Variants in AK4 observed in about 807,000 individuals in gnomAD.
The protein encoded by AK4 is adenylate kinase 4, mitochondrial.
AK4 carries 13 observed loss-of-function variants against 24.6 expected under a neutral mutation model. The ratio of observed to expected loss-of-function variants is 0.53; its 90% confidence interval spans 0.34 to 0.84. The LOEUF (loss-of-function observed/expected upper bound fraction) is 0.84, where lower values mean the gene tolerates loss of function less well. AK4 is among the 40% of genes least tolerant of loss of function. AK4 has a pLI of 0.01. For missense variants in AK4, 192 were observed against 288.2 expected, an observed-to-expected ratio of 0.67 and a Z score of 2.42; for synonymous variants, 88 against 107.0, an observed-to-expected ratio of 0.82 and a Z score of 1.10.
At chr1:65,158,668 A>G (rs6680612) in intron 1 of AK4, among the ~76,000 whole-genome samples, 18,945 of 149,808 alleles carry the variant, frequency 0.13, 1,621 homozygotes, top group Admixed American at 0.23. Flanking sequence ...GACCTGCTAA[A>G]TTTTTTTTTT....
chr1:65,170,577 T>TA (rs2101007563), intron 1 of AK4, among the ~76,000 whole-genome samples: 1 of 152,334 alleles, frequency 6.6e-6, no homozygotes, highest in African/African-American at 2.4e-5. Flanking sequence ...GCTTTTCCTT[T>TA]ATGGCTGAGA....
At chr1:65,170,911 G>C (rs1457760163) in intron 1 of AK4, among the ~76,000 whole-genome samples, 1 of 151,738 alleles carries the variant, frequency 6.6e-6, no homozygotes, top group Non-Finnish European at 1.5e-5. Context: ...TCCTTGTTAG[G>C]GTGTCATTCC....
intron 1 of AK4, among the ~76,000 whole-genome samples, chr1:65,175,681 T>A (rs1650689908): frequency 6.6e-6 from 1 of 152,162 alleles, no homozygotes; most frequent in African/African-American, 2.4e-5. Flanking sequence ...CCCCTGAGAT[T>A]TCCAATGTAA....
At chr1:65,195,948 C>T (rs1026972970) in intron 2 of AK4, among the ~76,000 whole-genome samples, 3 of 152,140 alleles carry the variant, frequency 2.0e-5, no homozygotes, top group Admixed American at 1.3e-4. Flanking sequence ...GGTTGAATAA[C>T]TGAAGTTCTT....
chr1:65,152,348 CTCTCTCTCTCTCTATATATA>C (rs1649806083), intron 1 of AK4, among the ~76,000 whole-genome samples: 2 of 44,326 alleles, frequency 4.5e-5, no homozygotes, highest in African/African-American at 2.1e-4. Flanking sequence ...CTCTCTCTCT[CTCTCTCTCTCTCTATATATA>C]TATATATATA....
intron 1 of AK4, among the ~76,000 whole-genome samples, chr1:65,187,758 C>T (rs1422349719): frequency 3.9e-5 from 6 of 152,174 alleles, no homozygotes; most frequent in Non-Finnish European, 7.3e-5. Context: ...TGAAGTAATA[C>T]GGTTTAAATA....
intron 1 of AK4, 39 bp downstream of exon 1, chr1:65,148,591 G>A (rs558569982): frequency 1.9e-6 from 3 of 1,560,276 alleles, no homozygotes; most frequent in African/African-American, 2.7e-5. Flanking sequence ...GGCGAGCCGC[G>A]TTGGGCTGGG....
At chr1:65,169,824 G>C (rs1650449583) in intron 1 of AK4, among the ~76,000 whole-genome samples, 1 of 151,878 alleles carries the variant, frequency 6.6e-6, no homozygotes, top group South Asian at 2.1e-4. Context: ...TGGATTTTTT[G>C]GGCATGTTTA....
intron 2 of AK4, among the ~76,000 whole-genome samples, chr1:65,195,738 T>A (rs1392856676): frequency 6.6e-6 from 1 of 152,212 alleles, no homozygotes; most frequent in East Asian, 1.9e-4. Flanking sequence ...TTGCCTTATA[T>A]AAGTGCTGTA....
At chr1:65,161,863 A>C (rs1004963357) in intron 1 of AK4, among the ~76,000 whole-genome samples, 11 of 152,182 alleles carry the variant, frequency 7.2e-5, no homozygotes, top group African/African-American at 2.7e-4. Context: ...GAAGAGTGGG[A>C]AGACTACTTG....
chr1:65,185,894 C>T (rs1259439221), intron 1 of AK4, among the ~76,000 whole-genome samples: 2 of 151,964 alleles, frequency 1.3e-5, no homozygotes, highest in African/African-American at 2.4e-5. Context: ...GGATTACAGG[C>T]GTGAGCTACT....
At chr1:65,204,048 G>A (rs1265607774) in intron 2 of AK4, among the ~76,000 whole-genome samples, 2 of 151,982 alleles carry the variant, frequency 1.3e-5, no homozygotes, top group African/African-American at 4.8e-5. Flanking sequence ...GCAACGGAAA[G>A]CAACAAATCA....
At chr1:65,202,601 AG>A (rs1651695130) in intron 2 of AK4, among the ~76,000 whole-genome samples, 1 of 152,172 alleles carries the variant, frequency 6.6e-6, no homozygotes, top group East Asian at 1.9e-4. Flanking sequence ...TCCTAAGTTT[AG>A]GTGTTAGGAG....
rs557036232 is a variant in AK4 at position 65,228,813 on chromosome 1, C to T, written c.*2636C>T. On this transcript the variant is annotated 3_prime_UTR_variant, in exon 5 of 5. Coordinates refer to ENST00000327299, the MANE Select transcript of AK4 (RefSeq NM_013410.4). ...GGTTTCTAAGATGCCAACCTGACCT[C>T]GCATTCTGTCATTCTACCCAGCTCT... 40 of 151,808 alleles carry T rather than the reference C, an allele frequency of 2.6e-4. No individual in the cohort carries two copies. Among genetic ancestry groups the T allele is most frequent in the Admixed American group, 2.3e-3 (35 of 15,236 alleles). 9.4% of individuals were successfully genotyped at this position (151,808 alleles called of 1,614,324 possible). A position where few individuals can be genotyped will look rare whatever the true frequency, so the allele number is the denominator to read the frequency against.
chr1:65,174,989 T>C (rs1650664200), intron 1 of AK4, among the ~76,000 whole-genome samples: 1 of 152,264 alleles, frequency 6.6e-6, no homozygotes, highest in South Asian at 2.1e-4. Context: ...AGGAATTAGC[T>C]TAATCCTGCA....
At chr1:65,166,507 C>T (rs1416342434) in intron 1 of AK4, among the ~76,000 whole-genome samples, 1 of 151,926 alleles carries the variant, frequency 6.6e-6, no homozygotes, top group Non-Finnish European at 1.5e-5. Flanking sequence ...TGGAAGACTC[C>T]TTGAATCCAT....
chr1:65,182,033 A>T (rs1340669088), intron 1 of AK4, among the ~76,000 whole-genome samples: 1 of 152,082 alleles, frequency 6.6e-6, no homozygotes, highest in Admixed American at 6.6e-5. Context: ...CTCCCACTTC[A>T]ATCTCCAGAG....
At chr1:65,202,312 G>C (rs777976689) in intron 2 of AK4, among the ~76,000 whole-genome samples, 43 of 152,134 alleles carry the variant, frequency 2.8e-4, no homozygotes, top group Non-Finnish European at 3.4e-4. Context: ...CAGGAGAATA[G>C]CACAAACCCA....
intron 1 of AK4, among the ~76,000 whole-genome samples, chr1:65,154,302 G>A (rs901126605): frequency 6.6e-6 from 1 of 152,218 alleles, no homozygotes; most frequent in Non-Finnish European, 1.5e-5. Flanking sequence ...CTAGGGTTTT[G>A]CCCTGAGCGC....
Sources: allele counts gnomAD v4.1 joint callset (sites outside exome capture counted in the v4.1 genomes callset), GRCh38; gene constraint gnomAD v4.1.1; transcripts MANE v1.5; gene names NCBI Gene and HGNC (gene_info 2026-07-23, HGNC 2026-07-21).